Variants in EPC2 observed in about 807,000 individuals in gnomAD.
The protein encoded by EPC2 is enhancer of polycomb homolog 2.
In EPC2, 14 loss-of-function variants were observed where a neutral mutation model predicts 92.1. The observed-to-expected ratio is 0.15, with a 90% CI of 0.10 to 0.24. The LOEUF is 0.24. EPC2 is among the 10% of genes least tolerant of loss of function. The pLI is 1.00. For missense variants in EPC2, 755 were observed against 971.5 expected (o/e 0.78, Z 2.96); for synonymous variants, 340 against 334.7 (o/e 1.02, Z -0.17).
intron 2 of EPC2, among the ~76,000 whole-genome samples, chr2:148,733,656 C>T (rs1682692175): frequency 6.6e-6 from 1 of 151,670 alleles, no homozygotes; most frequent in Admixed American, 6.6e-5. Flanking sequence ...ACGCCACTGC[C>T]CCCAGCTGTT....
chr2:148,699,863 T>C (rs977450102), intron 2 of EPC2, among the ~76,000 whole-genome samples: 13 of 152,206 alleles, frequency 8.5e-5, no homozygotes, highest in Admixed American at 2.0e-4. Context: ...AATGAAAGTT[T>C]CTATTGCCCC....
rs1681897722 is a variant in EPC2, at chr2:148,701,948, T to C, written c.313+11575T>C. Among the ~76,000 whole-genome samples, 5 of 152,280 alleles carry C rather than the reference T, an allele frequency of 3.3e-5. No individual in the cohort carries two copies. In the South Asian group the frequency reaches 1.0e-3, roughly 32 times the overall value. ...TCTTCTTTAGTCAGTTTTAGTAGTT[T>C]GTGTTTTTGTCCATTTTCTGTAAGT... On this transcript the variant is annotated intron_variant, in intron 2 of 13. Transcript: ENST00000258484.
At chr2:148,675,304 T>A (rs998698799) in intron 1 of EPC2, among the ~76,000 whole-genome samples, 5 of 152,156 alleles carry the variant, frequency 3.3e-5, no homozygotes, top group Non-Finnish European at 5.9e-5. Flanking sequence ...AGATTTCAGG[T>A]GATTTTTAAA....
chr2:148,782,465 A>G (rs1055305848), intron 11 of EPC2, among the ~76,000 whole-genome samples: 1 of 152,072 alleles, frequency 6.6e-6, no homozygotes, highest in African/African-American at 2.4e-5. Context: ...TGAACCCTGA[A>G]GGTGGAGGTT....
At position 148,753,771 on chromosome 2, in the gene EPC2, C is replaced by G. The variant is rs1488716237; in HGVS notation, c.460-156C>G. 6.8e-6 allele frequency: 4 copies of G among 592,344 alleles called. No homozygotes were observed. The East Asian group carries it at 1.1e-4, about 17-fold the overall frequency. 36.7% of individuals were successfully genotyped at this position (592,344 alleles called of 1,614,324 possible). On this transcript the variant is annotated intron_variant, in intron 3 of 13. Transcript: ENST00000258484. ...TAGATAAATCTCCTAATTAATGATTCCTTCATTAGGTTGAATTGAATTGTG... is the reference window on the plus strand; with the variant it reads ...TAGATAAATCTCCTAATTAATGATTGCTTCATTAGGTTGAATTGAATTGTG...
intron 3 of EPC2, 135 bp from the exon 4 acceptor site, chr2:148,753,792 T>C (rs947704833): frequency 4.7e-6 from 3 of 644,306 alleles, no homozygotes; most frequent in Non-Finnish European, 7.8e-6. Flanking sequence ...TTGAATTGAA[T>C]TGTGTCTTCA....
intron 2 of EPC2, among the ~76,000 whole-genome samples, chr2:148,718,511 A>C (rs1321987479): frequency 6.6e-6 from 1 of 152,194 alleles, no homozygotes; most frequent in East Asian, 1.9e-4. Context: ...AGTTTGGCCC[A>C]ATATGACATT....
chr2:148,770,485 G>A (rs1683495383), intron 8 of EPC2, among the ~76,000 whole-genome samples: 1 of 152,042 alleles, frequency 6.6e-6, no homozygotes, highest in Admixed American at 6.6e-5. Flanking sequence ...TCTCTACTTT[G>A]TACACAAATG....
At chr2:148,780,988 CAGTT>C (rs1183515579) in intron 10 of EPC2, among the ~76,000 whole-genome samples, 1 of 152,146 alleles carries the variant, frequency 6.6e-6, no homozygotes, top group Non-Finnish European at 1.5e-5. Flanking sequence ...ACTTTTAACA[CAGTT>C]GGTCGCAGTA....
intron 3 of EPC2, among the ~76,000 whole-genome samples, chr2:148,752,937 A>C (rs2105415648): frequency 6.6e-6 from 1 of 152,308 alleles, no homozygotes; most frequent in African/African-American, 2.4e-5. Flanking sequence ...TTTCTTGGGA[A>C]ATATCTCAGC....
chr2:148,767,461 C>T (rs558088108), intron 7 of EPC2, among the ~76,000 whole-genome samples: 1 of 152,174 alleles, frequency 6.6e-6, no homozygotes, highest in East Asian at 1.9e-4. Context: ...AGACAATCCT[C>T]ATTAATTTTA....
At chr2:148,676,477 A>G (rs1681263357) in intron 1 of EPC2, among the ~76,000 whole-genome samples, 1 of 152,114 alleles carries the variant, frequency 6.6e-6, no homozygotes, top group Non-Finnish European at 1.5e-5. Context: ...AAAAAGTAAT[A>G]CAGATTTACT....
At chr2:148,767,467 T>C (rs1315018609) in intron 7 of EPC2, among the ~76,000 whole-genome samples, 2 of 152,196 alleles carry the variant, frequency 1.3e-5, no homozygotes, top group African/African-American at 4.8e-5. Context: ...TCCTCATTAA[T>C]TTTATGGTAT....
chr2:148,694,799 C>T (rs902208560), intron 2 of EPC2, among the ~76,000 whole-genome samples: 3 of 152,210 alleles, frequency 2.0e-5, no homozygotes, highest in African/African-American at 7.2e-5. Context: ...GAATCTTGCT[C>T]TGTTGCCCAG....
chr2:148,671,473 G>T (rs1000100366), intron 1 of EPC2, among the ~76,000 whole-genome samples: 1 of 151,976 alleles, frequency 6.6e-6, no homozygotes, highest in African/African-American at 2.4e-5. Flanking sequence ...AATTAGTCAG[G>T]CATGGTGGTG....
At chr2:148,729,941 A>G (rs1682584332) in intron 2 of EPC2, among the ~76,000 whole-genome samples, 1 of 152,180 alleles carries the variant, frequency 6.6e-6, no homozygotes, top group African/African-American at 2.4e-5. Context: ...GAATTTTGCA[A>G]AGGAGGAGAG....
chr2:148,748,088 C>T (rs759447260), intron 3 of EPC2, among the ~76,000 whole-genome samples: 2 of 152,060 alleles, frequency 1.3e-5, no homozygotes, highest in African/African-American at 4.8e-5. Flanking sequence ...TGAGTTCTCA[C>T]AAGATCTCAC....
chr2:148,672,900 G>A (rs1033704285), intron 1 of EPC2, among the ~76,000 whole-genome samples: 5 of 152,088 alleles, frequency 3.3e-5, no homozygotes, highest in African/African-American at 1.2e-4. Flanking sequence ...AACTCCCTCA[G>A]TTTTTACTTA....
intron 8 of EPC2, among the ~76,000 whole-genome samples, chr2:148,769,990 T>G (rs140820515): frequency 6.6e-6 from 1 of 152,238 alleles, no homozygotes; most frequent in Non-Finnish European, 1.5e-5. Flanking sequence ...GATAAAATGA[T>G]GAAGGGAATG....
Sources: allele counts gnomAD v4.1 joint callset (sites outside exome capture counted in the v4.1 genomes callset), GRCh38; gene constraint gnomAD v4.1.1; transcripts MANE v1.5; gene names NCBI Gene and HGNC (gene_info 2026-07-23, HGNC 2026-07-21).